Variants in ATP13A1 observed in about 807,000 individuals in gnomAD.
ATP13A1 encodes endoplasmic reticulum transmembrane helix translocase.
Under a neutral mutation model 134.8 loss-of-function variants are expected in ATP13A1, and 55 were observed. That is an observed-to-expected ratio of 0.41 (90% CI 0.33 to 0.51). The LOEUF (loss-of-function observed/expected upper bound fraction) is 0.51, where lower values mean the gene tolerates loss of function less well. ATP13A1 is among the 20% of genes least tolerant of loss of function. The pLI, the probability that ATP13A1 is intolerant of heterozygous loss-of-function variation, is 0.29. For missense variants in ATP13A1, 1,389 were observed against 1,652.8 expected, an observed-to-expected ratio of 0.84 and a Z score of 2.77; for synonymous variants, 775 against 725.1, an observed-to-expected ratio of 1.07 and a Z score of -1.10.
At position 19,656,030 on chromosome 19, in the gene ATP13A1, C is replaced by A. The variant is rs1243861701; in HGVS notation, c.1213+24G>T. ...CAAAGGGGGTGGAAGCCCAGATACC[C>A]CCAGACGCCCATGAGGCACCTACGC... On this transcript the variant is annotated intron_variant, in intron 8 of 25. Transcript: ENST00000357324. The surrounding 1 kb of genome is among the most constrained non-coding windows in gnomAD (Gnocchi z 4.6). The A allele has an allele frequency of 6.2e-7, 1 of 1,613,316 alleles. No individual in the cohort carries two copies. Among genetic ancestry groups the A allele is most frequent in the South Asian group, 1.1e-5 (1 of 91,070 alleles).
rs760272324 is a variant in ATP13A1 at position 19,663,331 on chromosome 19, C to G, written c.336G>C (p.Ala112=). 4.4e-6 allele frequency: 7 copies of G among 1,591,806 alleles called. No homozygotes were observed. In the Admixed American group the frequency reaches 8.8e-5, roughly 20 times the overall value. Residue 112 remains alanine (A), a synonymous_variant, in exon 1 of 26, where the codon GCG becomes GCC. Transcript: ENST00000357324. ...LVLATICLAH[A]LTVLSGHWSV... is the part of the protein sequence containing the mutation. Reference sequence around the variant, plus strand: ...ACCAATGCCCCGAGAGGACAGTGAGCGCGTGCGCGAGGCAGATGGTGGCAA... The same window carrying G: ...ACCAATGCCCCGAGAGGACAGTGAGGGCGTGCGCGAGGCAGATGGTGGCAA...
chr19:19,659,295 AAAAT>A (rs2062079375), intron 3 of ATP13A1, among the ~76,000 whole-genome samples: 5 of 152,022 alleles, frequency 3.3e-5, no homozygotes, highest in Non-Finnish European at 7.4e-5. Context: ...ATCTCTACTA[AAAAT>A]ACAAAAATTA....
chr19:19,659,431 G>A (rs544703047), intron 3 of ATP13A1, among the ~76,000 whole-genome samples, 170 bp downstream of exon 3: 1 of 152,154 alleles, frequency 6.6e-6, no homozygotes, highest in South Asian at 2.1e-4. Context: ...ACTCCAGCCT[G>A]GGTGACAGAG....
intron 1 of ATP13A1, among the ~76,000 whole-genome samples, chr19:19,662,691 A>G (rs1177938369): frequency 6.6e-6 from 1 of 152,214 alleles, no homozygotes; most frequent in Non-Finnish European, 1.5e-5. Context: ...GACATCATGT[A>G]AATGACTCGC....
chr19:19,659,316 C>T (rs1046887002), intron 3 of ATP13A1, among the ~76,000 whole-genome samples: 2 of 151,972 alleles, frequency 1.3e-5, no homozygotes, highest in Non-Finnish European at 2.9e-5. Flanking sequence ...ATTAGCCAGG[C>T]GTGGTGGGGG....
At chr19:19,659,502 T>A in intron 3 of ATP13A1, 99 bp downstream of exon 3, 3 of 661,462 alleles carry the variant, frequency 4.5e-6, no homozygotes, top group Non-Finnish European at 6.9e-6. Flanking sequence ...AATAAATAAA[T>A]AAAAGGGCAG....
In ATP13A1 at chr19:19,645,942, G is replaced by A; in HGVS notation, c.3292C>T (p.Leu1098=). 1 of 1,613,576 alleles carries A rather than the reference G, an allele frequency of 6.2e-7. No homozygotes were observed. Among genetic ancestry groups the A allele is most frequent in the Non-Finnish European group, 8.5e-7 (1 of 1,179,880 alleles). Residue 1098 remains leucine (L), a synonymous_variant, in exon 24 of 26, where the codon CTG becomes TTG. Coordinates refer to ENST00000357324, the MANE Select transcript of ATP13A1 (RefSeq NM_020410.3). The surrounding 1 kb of genome is among the most constrained non-coding windows in gnomAD (Gnocchi z 4.1). ...ATGATGTAGACGGTGCTGTTGACCA[G>A]GCTTGGCTCAAACTCCTTGTACAAG... ...VDLYKEFEPS[L]VNSTVYIMAM... is the part of the protein sequence containing the mutation.
In ATP13A1 at chr19:19,654,094, G is replaced by A; in HGVS notation, c.1864C>T (p.Gln622Ter). 1 of 1,592,920 alleles carries A rather than the reference G, an allele frequency of 6.3e-7. No homozygotes were observed. Among genetic ancestry groups the A allele is most frequent in the Non-Finnish European group, 8.5e-7 (1 of 1,169,824 alleles). ...AGGGCACTGGCAAAATGAAAGCGCT[G>A]GTGAATTTTCAGCCCCTGAGTTTTA... Reference protein sequence around the residue: ...SIKTQGLKIHQRFHFASALKR... With the variant: ...SIKTQGLKIH Residue 622 changes from glutamine (Q) to a stop codon, truncating the protein, a stop_gained, in exon 14 of 26, where the codon CAG becomes TAG. Transcript: ENST00000357324. LOFTEE classifies it high-confidence loss of function.
intron 1 of ATP13A1, chr19:19,662,465 C>G (rs2062100804): frequency 1.3e-6 from 1 of 745,826 alleles, no homozygotes; most frequent in Non-Finnish European, 1.6e-6. Flanking sequence ...CCTGATATAC[C>G]TCAGTGTCCA....
In ATP13A1 at chr19:19,653,818, C is replaced by A; in HGVS notation, c.2066G>T (p.Gly689Val). The A allele has an allele frequency of 6.4e-7, 1 of 1,556,446 alleles. No individual in the cohort carries two copies. The highest frequency in any genetic ancestry group is 8.7e-7 in the Non-Finnish European group (1 of 1,150,200). Reference sequence around the variant, plus strand: ...AGTGAGGTGTCCCAGCTCCTTGTACCCCAGCGCCAGGACGCGGGCTCCTTC... The same window carrying A: ...AGTGAGGTGTCCCAGCTCCTTGTACACCAGCGCCAGGACGCGGGCTCCTTC... ...SREGARVLAL[G>V]YKELGHLTHQ... The change falls in exon 15 of 26, where the codon GGG becomes GTG. Residue 689 changes from glycine (G) to valine (V), a missense_variant. Physicochemically the swap from Gly to Val is moderately radical, Grantham distance 109 (BLOSUM62 -3). Coordinates refer to ENST00000357324, the MANE Select transcript of ATP13A1 (RefSeq NM_020410.3). The surrounding 1 kb of genome is among the most constrained non-coding windows in gnomAD (Gnocchi z 4.2).
chr19:19,652,578 C>T lies in ATP13A1; in HGVS notation c.2226+17G>A, dbSNP rs779026306. On this transcript the variant is annotated intron_variant, in intron 16 of 25. Transcript: ENST00000357324. ...CTATTTCCCATGCAGAGGGTGGAGCCGAGCACCGTCCCATACCCGGTGGGA... is the reference window on the plus strand; with the variant it reads ...CTATTTCCCATGCAGAGGGTGGAGCTGAGCACCGTCCCATACCCGGTGGGA... 73 of 1,603,876 alleles carry T rather than the reference C, an allele frequency of 4.6e-5. 1 individual carries two copies. In the South Asian group the frequency reaches 5.4e-4, roughly 12 times the overall value.
Position 19,645,923 on chromosome 19 carries a change from TA to T in ATP13A1, c.3310del (p.Tyr1104ThrfsTer97). The T allele has an allele frequency of 1.9e-6, 3 of 1,613,852 alleles. No individual in the cohort carries two copies. Among genetic ancestry groups the T allele is most frequent in the Non-Finnish European group, 2.5e-6 (3 of 1,179,886 alleles). On this transcript the variant is annotated frameshift_variant, in exon 24 of 26. Coordinates refer to ENST00000357324, the MANE Select transcript of ATP13A1 (RefSeq NM_020410.3). LOFTEE classifies it high-confidence loss of function. This position sits in a 1 kb window ranked among gnomAD's most constrained non-coding sequence, Gnocchi z 4.1. ...CATCTGCATGGCCATGGCCATGATGTAGACGGTGCTGTTGACCAGGCTTGGC... is the reference window on the plus strand; with the variant it reads ...CATCTGCATGGCCATGGCCATGATGTGACGGTGCTGTTGACCAGGCTTGGC... ...FEPSLVNSTV[Y>X]IMAMAMQMAT...
chr19:19,647,546 G>A lies in ATP13A1; in HGVS notation c.2794-18C>T. On this transcript the variant is annotated intron_variant, in intron 20 of 25. Transcript: ENST00000357324. The surrounding 1 kb of genome is among the most constrained non-coding windows in gnomAD (Gnocchi z 4.8). ...AGGCGGTCCTGCAGGGTAGACAGCAGGCTGTCAGCCCTGGCCAGGATGGGG... is the reference window on the plus strand; with the variant it reads ...AGGCGGTCCTGCAGGGTAGACAGCAAGCTGTCAGCCCTGGCCAGGATGGGG... The A allele has an allele frequency of 6.2e-7, 1 of 1,612,458 alleles. No individual in the cohort carries two copies. Among genetic ancestry groups the A allele is most frequent in the Non-Finnish European group, 8.5e-7 (1 of 1,179,090 alleles).
At chr19:19,658,601 G>A (rs1392192454) in intron 3 of ATP13A1, among the ~76,000 whole-genome samples, 1 of 152,224 alleles carries the variant, frequency 6.6e-6, no homozygotes, top group Non-Finnish European at 1.5e-5. Flanking sequence ...TCTGGGTTGA[G>A]GACCATCGTA....
chr19:19,659,535 G>A, intron 3 of ATP13A1, 66 bp downstream of exon 3: 1 of 1,337,426 alleles, frequency 7.5e-7, no homozygotes. Flanking sequence ...CGCTTCCTAG[G>A]CACCCTGAAT....
chr19:19,656,201 G>A lies in ATP13A1; in HGVS notation c.1084-18C>T. 1 of 1,586,174 alleles carries A rather than the reference G, an allele frequency of 6.3e-7. No individual in the cohort carries two copies. The highest frequency in any genetic ancestry group is 8.6e-7 in the Non-Finnish European group (1 of 1,164,212). ...ATGGGCTCCTGGGGAGGAAGATCGT[G>A]AATCTGGATGGCCAGGCCTACCTTG... On this transcript the variant is annotated intron_variant, in intron 7 of 25. Transcript: ENST00000357324. The surrounding 1 kb of genome is among the most constrained non-coding windows in gnomAD (Gnocchi z 4.6).
At chr19:19,652,015 A>G (rs1368853761) in intron 16 of ATP13A1, among the ~76,000 whole-genome samples, 2 of 151,966 alleles carry the variant, frequency 1.3e-5, no homozygotes, top group African/African-American at 2.4e-5. Context: ...AGACACCCTT[A>G]GCTTGGATTT....
chr19:19,655,733 T>TG lies in ATP13A1; in HGVS notation c.1270-80dup. 6.4e-7 allele frequency: 1 copy of TG among 1,553,810 alleles called. No homozygotes were observed. The highest frequency in any genetic ancestry group is 8.7e-7 in the Non-Finnish European group (1 of 1,149,340). On this transcript the variant is annotated intron_variant, in intron 9 of 25. Coordinates refer to ENST00000357324, the MANE Select transcript of ATP13A1 (RefSeq NM_020410.3). This position sits in a 1 kb window ranked among gnomAD's most constrained non-coding sequence, Gnocchi z 5.7. ...AGGCCTGGAAGCGTGGGCCTGGTCT[T>TG]GGGGTGGCCTCTGCACCCTGGCCCA...
Position 19,653,774 on chromosome 19 carries a change from G to A in ATP13A1, c.2100+10C>T, listed in dbSNP as rs1182972046. 1.3e-6 allele frequency: 2 copies of A among 1,545,058 alleles called. No homozygotes were observed. The highest frequency in any genetic ancestry group is 2.7e-5 in the African/African-American group (2 of 73,026). On this transcript the variant is annotated intron_variant, in intron 15 of 25. Coordinates refer to ENST00000357324, the MANE Select transcript of ATP13A1 (RefSeq NM_020410.3). The surrounding 1 kb of genome is among the most constrained non-coding windows in gnomAD (Gnocchi z 4.2). ...CACATGGTGAAGGCAGGGGGAGCCTGGGCCCGTACCTGCTGGTGAGTGAGG... is the reference window on the plus strand; with the variant it reads ...CACATGGTGAAGGCAGGGGGAGCCTAGGCCCGTACCTGCTGGTGAGTGAGG...
Sources: allele counts gnomAD v4.1 joint callset (sites outside exome capture counted in the v4.1 genomes callset), GRCh38; gene constraint gnomAD v4.1.1; non-coding constraint Gnocchi (gnomAD v3.1); transcripts MANE v1.5; gene names NCBI Gene and HGNC (gene_info 2026-07-23, HGNC 2026-07-21).